GMEB2: variants seen among roughly 807,000 people sequenced by gnomAD.
GMEB2 encodes glucocorticoid modulatory element binding protein 2.
A neutral mutation model predicts 45.7 loss-of-function variants in GMEB2; 7 were observed. That is an observed-to-expected ratio of 0.15 (90% CI 0.09 to 0.29). GMEB2 has a LOEUF of 0.29. Among genes scored for constraint, GMEB2 ranks in the 10% least tolerant of loss-of-function variants. GMEB2 has a pLI of 1.00. For synonymous variants in GMEB2, 322 were observed against 323.6 expected (o/e 1.00, Z 0.05); for missense variants, 582 against 739.2 (o/e 0.79, Z 2.47).
Position 63,595,707 on chromosome 20 carries a change from G to A in GMEB2, c.522C>T (p.Thr174=), listed in dbSNP as rs1291328988. The stretch of plus-strand genomic sequence containing the variant: ...AGAGGTCAATCTTTGTGCTGCGGCA[G>A]GTGTTGGAGCAGACCTTGTCATGCT... ...FYQHDKVCSN[T]CRSTKIDLSG... is the part of the protein sequence containing the mutation. The change falls in exon 6 of 10, where the codon ACC becomes ACT. Residue 174 remains threonine (T), a synonymous_variant. Transcript: ENST00000370077. 8 of 1,613,354 alleles carry A rather than the reference G, an allele frequency of 5.0e-6. No individual in the cohort carries two copies. Among genetic ancestry groups the A allele is most frequent in the Non-Finnish European group, 5.1e-6 (6 of 1,179,284 alleles).
At chr20:63,621,589 C>A (rs1178948695) in intron 1 of GMEB2, among the ~76,000 whole-genome samples, 3 of 145,474 alleles carry the variant, frequency 2.1e-5, no homozygotes, top group African/African-American at 5.2e-5. Context: ...CCTGCTTGAA[C>A]CCAGGAGGCA....
At position 63,619,246 on chromosome 20, in the gene GMEB2, G is replaced by A. The variant is rs1320679969; in HGVS notation, c.131+21C>T. ...AACCCAAGCCCCCATCAGCCCCAAT[G>A]GCACCGAGGCCCGAGCTTACCCGTG... On this transcript the variant is annotated intron_variant, in intron 2 of 9. Transcript: ENST00000370077. The surrounding 1 kb of genome is among the most constrained non-coding windows in gnomAD (Gnocchi z 4.6). The A allele has an allele frequency of 1.9e-6, 3 of 1,593,776 alleles. No homozygotes were observed. Among genetic ancestry groups the A allele is most frequent in the East Asian group, 2.3e-5 (1 of 44,274 alleles).
At chr20:63,606,968 A>G (rs962214446) in intron 2 of GMEB2, among the ~76,000 whole-genome samples, 8 of 152,302 alleles carry the variant, frequency 5.3e-5, no homozygotes, top group African/African-American at 7.2e-5. Flanking sequence ...CAGGACTCCA[A>G]TGGAGTCGTT....
intron 1 of GMEB2, among the ~76,000 whole-genome samples, chr20:63,622,950 C>T (rs576782269): frequency 9.9e-5 from 15 of 152,226 alleles, no homozygotes; most frequent in East Asian, 3.9e-4. Flanking sequence ...CGGTGAGTGG[C>T]GGGGAGGGCT....
intron 1 of GMEB2, among the ~76,000 whole-genome samples, chr20:63,621,510 A>G (rs1478939945): frequency 6.6e-6 from 1 of 152,052 alleles, no homozygotes; most frequent in African/African-American, 2.4e-5. Context: ...GACTAAAAAT[A>G]CTAAAAATTA....
chr20:63,606,666 G>C (rs1014143954), intron 2 of GMEB2, among the ~76,000 whole-genome samples: 4 of 152,140 alleles, frequency 2.6e-5, no homozygotes, highest in African/African-American at 9.7e-5. Context: ...AATTTTTTAA[G>C]AAAAGAAAGA....
At chr20:63,622,796 T>A (rs945761472) in intron 1 of GMEB2, among the ~76,000 whole-genome samples, 1 of 152,144 alleles carries the variant, frequency 6.6e-6, no homozygotes, top group Non-Finnish European at 1.5e-5. Flanking sequence ...GAGGGGATGG[T>A]GGTTAAACAC....
chr20:63,617,338 A>T (rs1005540896), intron 2 of GMEB2, among the ~76,000 whole-genome samples: 4 of 152,164 alleles, frequency 2.6e-5, no homozygotes, highest in Non-Finnish European at 2.9e-5. Flanking sequence ...CTCCATCATG[A>T]GGACACAGCA....
chr20:63,606,629 G>T (rs183382604), intron 2 of GMEB2, among the ~76,000 whole-genome samples: 1 of 152,274 alleles, frequency 6.6e-6, no homozygotes, highest in African/African-American at 2.4e-5. Flanking sequence ...TTACAGGCAT[G>T]AGCCACTGCG....
At chr20:63,599,790 T>C (rs1029230251) in intron 4 of GMEB2, among the ~76,000 whole-genome samples, 3 of 152,182 alleles carry the variant, frequency 2.0e-5, no homozygotes, top group African/African-American at 7.2e-5. Context: ...CACACGTGCG[T>C]TCCGGACTCA....
In GMEB2 at chr20:63,590,735, G is replaced by C; in HGVS notation, c.953-6C>G. On this transcript the variant is annotated splice_polypyrimidine_tract_variant and splice_region_variant and intron_variant, in intron 9 of 9. Transcript: ENST00000370077. ...ATCACACTGCTGCTCCAGGGCTGCA[G>C]GGAGGTACAGATGGCATCACACAGG... 6.7e-7 allele frequency: 1 copy of C among 1,491,472 alleles called. No individual in the cohort carries two copies. The highest frequency in any genetic ancestry group is 2.4e-5 in the East Asian group (1 of 41,392). 92.4% of individuals were successfully genotyped at this position (1,491,472 alleles called of 1,614,324 possible). A position where few individuals can be genotyped will look rare whatever the true frequency, so the allele number is the denominator to read the frequency against.
At chr20:63,601,247 G>C (rs1334775334) in intron 4 of GMEB2, among the ~76,000 whole-genome samples, 1 of 152,196 alleles carries the variant, frequency 6.6e-6, no homozygotes, top group Non-Finnish European at 1.5e-5. Context: ...CCTACATGCA[G>C]GCAGTGGGGT....
chr20:63,600,047 A>T (rs574048970), intron 4 of GMEB2, among the ~76,000 whole-genome samples: 1 of 152,166 alleles, frequency 6.6e-6, no homozygotes, highest in South Asian at 2.1e-4. Context: ...GCAAAAAAAA[A>T]ATTTTTTTTT....
intron 1 of GMEB2, among the ~76,000 whole-genome samples, chr20:63,620,357 G>T (rs1235281404): frequency 3.3e-5 from 5 of 152,240 alleles, no homozygotes; most frequent in African/African-American, 1.2e-4. Flanking sequence ...GCCCAAGAGT[G>T]TGGGGGCTCC....
chr20:63,594,940 G>A (rs562864489), intron 6 of GMEB2, among the ~76,000 whole-genome samples: 1 of 152,262 alleles, frequency 6.6e-6, no homozygotes, highest in East Asian at 1.9e-4. Context: ...ATAGAGACAG[G>A]GTTTCATCCT....
chr20:63,592,195 G>A lies in GMEB2; in HGVS notation c.830-51C>T, dbSNP rs1208280704. 1 of 1,576,778 alleles carries A rather than the reference G, an allele frequency of 6.3e-7. No individual in the cohort carries two copies. The highest frequency in any genetic ancestry group is 1.1e-5 in the South Asian group (1 of 88,662). On this transcript the variant is annotated intron_variant, in intron 8 of 9. Coordinates refer to ENST00000370077, the MANE Select transcript of GMEB2 (RefSeq NM_012384.5). This position sits in a 1 kb window ranked among gnomAD's most constrained non-coding sequence, Gnocchi z 8.2. Reference sequence around the variant, plus strand: ...TGAGAGCCCAAGCCCTTCCTAGAGAGCCACGCGGACGCTCGGTGAGAGCCC... The same window carrying A: ...TGAGAGCCCAAGCCCTTCCTAGAGAACCACGCGGACGCTCGGTGAGAGCCC...
chr20:63,590,522 C>G lies in GMEB2; in HGVS notation c.1160G>C (p.Gly387Ala). ...TQSAQLALGPGVPVPQLTSVP... is the reference protein window; with the variant it reads ...TQSAQLALGPAVPVPQLTSVP... ...GCTGGTCAGCTGGGGGACGGGCACG[C>G]CCGGGCCAAGCGCCAGCTGGGCAGA... Residue 387 changes from glycine (G) to alanine (A), a missense_variant, in exon 10 of 10, where the codon GGC becomes GCC. This residue lies in a region of GMEB2 where 462 missense variants were observed against 586.7 expected (regional missense o/e 0.79). Transcript: ENST00000370077. The G allele has an allele frequency of 1.3e-6, 2 of 1,516,316 alleles. No individual in the cohort carries two copies. The highest frequency in any genetic ancestry group is 1.4e-5 in the African/African-American group (1 of 73,026). 93.9% of individuals were successfully genotyped at this position (1,516,316 alleles called of 1,614,324 possible).
chr20:63,591,897 G>T, intron 9 of GMEB2, 125 bp downstream of exon 9: 1 of 774,712 alleles, frequency 1.3e-6, no homozygotes, highest in Non-Finnish European at 2.1e-6. Flanking sequence ...GCAGTGCGGA[G>T]AAGCTCGCCG....
Position 63,623,769 on chromosome 20 carries a change from G to C in GMEB2, c.-58+3187C>G, listed in dbSNP as rs550295243. Among the ~76,000 whole-genome samples the C allele has an allele frequency of 1.0e-3, 156 of 151,868 alleles. 1 individual carries two copies. The highest frequency in any genetic ancestry group is 3.7e-3 in the African/African-American group (152 of 41,412). Reference sequence around the variant, plus strand: ...GCCAAGATCATGCCACTGCACTCAAGCCTGGGTGACAGAGTGAGACTCTCT... The same window carrying C: ...GCCAAGATCATGCCACTGCACTCAACCCTGGGTGACAGAGTGAGACTCTCT... On this transcript the variant is annotated intron_variant, in intron 1 of 9. Transcript: ENST00000370077.
Sources: allele counts gnomAD v4.1 joint callset (sites outside exome capture counted in the v4.1 genomes callset), GRCh38; gene constraint gnomAD v4.1.1; regional missense constraint gnomAD v4.1.1; non-coding constraint Gnocchi (gnomAD v3.1); transcripts MANE v1.5; gene names NCBI Gene and HGNC (gene_info 2026-07-23, HGNC 2026-07-21).